The following SHROOM3 variants were observed in gnomAD, a reference collection of about 807,000 sequenced individuals.
SHROOM3 encodes shroom family member 3.
SHROOM3 carries 47 observed loss-of-function variants against 138.6 expected under a neutral mutation model. The ratio of observed to expected loss-of-function variants is 0.34; its 90% CI spans 0.27 to 0.43. The LOEUF (loss-of-function observed/expected upper bound fraction) is 0.43, where lower values mean the gene tolerates loss of function less well. Ranked by LOEUF, SHROOM3 falls within the 20% of genes least tolerant of loss-of-function variation. The pLI is 1.00. For missense variants in SHROOM3, 2,491 were observed against 2,596.5 expected, an observed-to-expected ratio of 0.96 and a Z score of 0.88; for synonymous variants, 1,062 against 1,063.3, an observed-to-expected ratio of 1.00 and a Z score of 0.02.
At chr4:76,453,701 G>A (rs554181798) in intron 1 of SHROOM3, among the ~76,000 whole-genome samples, 58 of 152,154 alleles carry the variant, frequency 3.8e-4, no homozygotes, top group South Asian at 2.5e-3. Context: ...GTCTGTTCCA[G>A]CCCTTTGTTC....
chr4:76,566,421 A>C (rs538785524), intron 2 of SHROOM3, among the ~76,000 whole-genome samples: 1 of 152,122 alleles, frequency 6.6e-6, no homozygotes, highest in Non-Finnish European at 1.5e-5. Context: ...CATTTATTTC[A>C]TCAGCCCCCA....
At chr4:76,718,068 C>A (rs1168921027) in intron 3 of SHROOM3, among the ~76,000 whole-genome samples, 1 of 152,140 alleles carries the variant, frequency 6.6e-6, no homozygotes, top group Non-Finnish European at 1.5e-5. Context: ...AATGTTCTAG[C>A]TCTCTAGCTG....
chr4:76,466,729 G>A (rs894015837), intron 1 of SHROOM3, among the ~76,000 whole-genome samples: 2 of 151,970 alleles, frequency 1.3e-5, no homozygotes, highest in Non-Finnish European at 2.9e-5. Context: ...AAAATACTCA[G>A]ACTAAACAAA....
intron 1 of SHROOM3, among the ~76,000 whole-genome samples, chr4:76,469,018 A>G (rs1295665995): frequency 6.8e-6 from 1 of 146,982 alleles, no homozygotes; most frequent in Non-Finnish European, 1.5e-5. Flanking sequence ...TGGGTGACAG[A>G]GCGAGATTCC....
intron 1 of SHROOM3, among the ~76,000 whole-genome samples, chr4:76,439,470 C>T (rs537537635): frequency 2.0e-5 from 3 of 152,212 alleles, no homozygotes; most frequent in Non-Finnish European, 2.9e-5. Context: ...TGCCTACCAC[C>T]AGGCATTTGA....
At chr4:76,724,194 A>G (rs1409629460) in intron 3 of SHROOM3, among the ~76,000 whole-genome samples, 1 of 152,236 alleles carries the variant, frequency 6.6e-6, no homozygotes, top group East Asian at 1.9e-4. Flanking sequence ...ATGCAACAAA[A>G]GGGCTTTGTT....
intron 5 of SHROOM3, among the ~76,000 whole-genome samples, chr4:76,744,323 G>A (rs1374606861): frequency 6.6e-6 from 1 of 152,156 alleles, no homozygotes; most frequent in Non-Finnish European, 1.5e-5. Flanking sequence ...TACTTCTTTT[G>A]TACTGCTTTG....
intron 2 of SHROOM3, among the ~76,000 whole-genome samples, chr4:76,678,428 C>T (rs1035350251): frequency 3.9e-5 from 6 of 152,044 alleles, no homozygotes; most frequent in African/African-American, 1.4e-4. Flanking sequence ...ACTTTTCTTG[C>T]TTTTATCTCT....
intron 1 of SHROOM3, among the ~76,000 whole-genome samples, chr4:76,535,597 A>G (rs1203922249): frequency 1.3e-5 from 2 of 152,230 alleles, no homozygotes; most frequent in Non-Finnish European, 2.9e-5. Context: ...AGTAGAAACC[A>G]GATGTGCCCA....
intron 4 of SHROOM3, among the ~76,000 whole-genome samples, chr4:76,731,663 C>G (rs1720886492): frequency 6.6e-6 from 1 of 152,048 alleles, no homozygotes. Flanking sequence ...AACCTGTAAT[C>G]CCAGCTACTC....
chr4:76,683,482 C>G (rs563160627), intron 2 of SHROOM3, among the ~76,000 whole-genome samples: 12 of 152,094 alleles, frequency 7.9e-5, no homozygotes, highest in Non-Finnish European at 1.8e-4. Flanking sequence ...TTCTTTCCCC[C>G]TTTCTCTTCC....
At chr4:76,642,801 G>A (rs1476352978) in intron 2 of SHROOM3, among the ~76,000 whole-genome samples, 1 of 152,106 alleles carries the variant, frequency 6.6e-6, no homozygotes, top group Non-Finnish European at 1.5e-5. Flanking sequence ...TGCTGATCTG[G>A]GTGGGGGAGG....
chr4:76,763,646 C>G (rs1052322505), intron 9 of SHROOM3, among the ~76,000 whole-genome samples: 1 of 152,126 alleles, frequency 6.6e-6, no homozygotes, highest in Non-Finnish European at 1.5e-5. Context: ...GAAGGGTTCA[C>G]AAGAGCCAGT....
chr4:76,455,418 C>T (rs936531124), intron 1 of SHROOM3, among the ~76,000 whole-genome samples: 2 of 151,244 alleles, frequency 1.3e-5, no homozygotes, highest in African/African-American at 4.9e-5. Context: ...ATAACCAAAG[C>T]CAAAAATTAT....
chr4:76,610,949 A>G (rs953239268), intron 2 of SHROOM3, among the ~76,000 whole-genome samples: 1 of 152,150 alleles, frequency 6.6e-6, no homozygotes, highest in African/African-American at 2.4e-5. Flanking sequence ...CTCAAATGAG[A>G]AACTATTTCA....
chr4:76,459,928 A>G (rs937050413), intron 1 of SHROOM3, among the ~76,000 whole-genome samples: 2 of 152,170 alleles, frequency 1.3e-5, no homozygotes, highest in Admixed American at 1.3e-4. Context: ...TCTACAAAGT[A>G]TGGATAATGT....
At chr4:76,593,687 G>A (rs1222734075) in intron 2 of SHROOM3, among the ~76,000 whole-genome samples, 1 of 152,156 alleles carries the variant, frequency 6.6e-6, no homozygotes, top group African/African-American at 2.4e-5. Context: ...TTGTGCTTCT[G>A]CTTCATCCTT....
chr4:76,628,731 G>A (rs950921557), intron 2 of SHROOM3: 4 of 152,084 alleles, frequency 2.6e-5, no homozygotes, highest in Non-Finnish European at 5.9e-5. Flanking sequence ...TATTTGAAGG[G>A]CATTTAAAAA....
Position 76,739,615 on chromosome 4 carries a change from C to G in SHROOM3, c.1442C>G (p.Pro481Arg). The G allele has an allele frequency of 3.1e-6, 5 of 1,614,204 alleles. No homozygotes were observed. The highest frequency in any genetic ancestry group is 4.2e-6 in the Non-Finnish European group (5 of 1,180,030). ...PSLEPHFAQVPQPSVSSNGML... is the reference protein window; with the variant it reads ...PSLEPHFAQVRQPSVSSNGML... Reference sequence around the variant, plus strand: ...CTGGAGCCACACTTTGCCCAGGTGCCTCAGCCTTCTGTGAGTAGCAACGGT... The same window carrying G: ...CTGGAGCCACACTTTGCCCAGGTGCGTCAGCCTTCTGTGAGTAGCAACGGT... The change falls in exon 5 of 11, where the codon CCT (proline) becomes CGT (arginine). Residue 481 changes from proline (P) to arginine (R), a missense_variant. By Grantham distance (103) the Pro-to-Arg change is moderately radical. This residue lies in a region of SHROOM3 where 1,733 missense variants were observed against 1,661.6 expected (regional missense o/e 1.04). Transcript: ENST00000296043.
Sources: gnomAD v4.1 joint callset for allele counts (sites outside exome capture counted in the v4.1 genomes callset) on GRCh38, gnomAD v4.1.1 for gene constraint, gnomAD v4.1.1 regional missense constraint, MANE v1.5 for transcripts, NCBI Gene and HGNC (gene_info 2026-07-23, HGNC 2026-07-21) for gene names.